Variants in STXBP4 observed in about 807,000 individuals in gnomAD.
The protein encoded by STXBP4 is syntaxin binding protein 4, also known as syntaxin-binding protein 4.
In STXBP4, 55 loss-of-function variants were observed where a neutral mutation model predicts 76.1. The observed-to-expected ratio is 0.72, with a 90% CI of 0.58 to 0.91. STXBP4 has a LOEUF of 0.91. Ranked by LOEUF, STXBP4 falls within the 40% of genes least tolerant of loss-of-function variation. STXBP4 has a pLI of 0.00. For synonymous variants in STXBP4, 201 were observed against 220.2 expected (o/e 0.91, Z 0.77); for missense variants, 618 against 636.9 (o/e 0.97, Z 0.32).
intron 7 of STXBP4, among the ~76,000 whole-genome samples, 154 bp from the exon 8 acceptor site, chr17:55,007,352 G>T (rs1351367994): frequency 6.7e-6 from 1 of 149,040 alleles, no homozygotes; most frequent in Non-Finnish European, 1.5e-5. Flanking sequence ...AAAAAAAAAA[G>T]AAAAGAAAAA....
At chr17:55,105,496 C>G (rs2079622822) in intron 16 of STXBP4, among the ~76,000 whole-genome samples, 1 of 137,288 alleles carries the variant, frequency 7.3e-6, no homozygotes, top group Non-Finnish European at 1.5e-5. Context: ...GAGATGGAGT[C>G]TCACTCTGTC....
intron 4 of STXBP4, among the ~76,000 whole-genome samples, chr17:54,996,683 C>G (rs2077808947): frequency 6.6e-6 from 1 of 152,064 alleles, no homozygotes; most frequent in African/African-American, 2.4e-5. Context: ...CCTCAGTTCA[C>G]AGTAATAACT....
intron 8 of STXBP4, among the ~76,000 whole-genome samples, chr17:55,012,851 T>G (rs929785889): frequency 2.6e-5 from 4 of 152,152 alleles, no homozygotes; most frequent in African/African-American, 7.2e-5. Context: ...CTCTAGAAGG[T>G]CCCCTCGAGT....
chr17:55,126,588 T>C (rs2079915687), intron 16 of STXBP4, among the ~76,000 whole-genome samples: 1 of 152,148 alleles, frequency 6.6e-6, no homozygotes, highest in Non-Finnish European at 1.5e-5. Context: ...AATATACACT[T>C]AAGATTTGTA....
the STXBP4 span, among the ~76,000 whole-genome samples, chr17:55,184,561 T>C: frequency 1.3e-5 from 2 of 152,238 alleles, no homozygotes; most frequent in Admixed American, 1.3e-4. Context: ...ATCATACATA[T>C]GTATTCTTTT....
intron 1 of STXBP4, among the ~76,000 whole-genome samples, chr17:54,971,346 A>G (rs553663559): frequency 6.6e-6 from 1 of 152,336 alleles, no homozygotes; most frequent in African/African-American, 2.4e-5. Context: ...CAAAGTGCTG[A>G]AGGCTGGAAA....
At chr17:55,176,436 T>A (rs1381908686), downstream of STXBP4, among the ~76,000 whole-genome samples, 3 of 152,126 alleles carry the variant, frequency 2.0e-5, no homozygotes, top group Non-Finnish European at 4.4e-5. Flanking sequence ...AGTGTAACCA[T>A]GTAAACAGAG....
intron 12 of STXBP4, among the ~76,000 whole-genome samples, chr17:55,060,412 A>G (rs1055660243): frequency 1.3e-5 from 2 of 152,166 alleles, no homozygotes; most frequent in African/African-American, 4.8e-5. Context: ...AAAATTTTTA[A>G]AAACTAGAAA....
At chr17:55,051,007 C>T (rs2078851806) in intron 12 of STXBP4, among the ~76,000 whole-genome samples, 1 of 152,006 alleles carries the variant, frequency 6.6e-6, no homozygotes, top group Non-Finnish European at 1.5e-5. Context: ...CTTTCTGTAT[C>T]TTTTATGAAC....
chr17:54,988,357 A>C (rs2077657181), intron 3 of STXBP4, among the ~76,000 whole-genome samples: 1 of 152,222 alleles, frequency 6.6e-6, no homozygotes, highest in African/African-American at 2.4e-5. Context: ...AAGGACATTC[A>C]CATTTGGAGG....
rs550661484 is a variant in STXBP4, at chr17:55,142,674, T to C, written c.1547+1307T>C. Among the ~76,000 whole-genome samples, 226 of 152,284 alleles carry C rather than the reference T, an allele frequency of 1.5e-3. 1 individual carries two copies. The highest frequency in any genetic ancestry group is 5.1e-3 in the African/African-American group (214 of 41,568). ...AACAATCATATGACCATTAAAAACA[T>C]TGAGAATTCAAAAGCTTTGTATTTG... is the stretch of plus-strand genomic sequence containing the variant. On this transcript the variant is annotated intron_variant, in intron 17 of 17. Coordinates refer to ENST00000376352, the MANE Select transcript of STXBP4 (RefSeq NM_178509.6).
intron 16 of STXBP4, among the ~76,000 whole-genome samples, chr17:55,122,173 C>T (rs1383340737): frequency 6.6e-6 from 1 of 152,192 alleles, no homozygotes; most frequent in Non-Finnish European, 1.5e-5. Flanking sequence ...AAATCCTCAA[C>T]AAACCGTTGT....
At chr17:55,208,577 A>G in the STXBP4 span, among the ~76,000 whole-genome samples, 3 of 90,332 alleles carry the variant, frequency 3.3e-5, no homozygotes, top group Non-Finnish European at 6.2e-5. Flanking sequence ...GAGGGAGGGA[A>G]GAAGGAAGGA....
At chr17:55,032,335 G>A (rs1311313754) in intron 9 of STXBP4, among the ~76,000 whole-genome samples, 1 of 151,900 alleles carries the variant, frequency 6.6e-6, no homozygotes, top group East Asian at 1.9e-4. Context: ...AAATAATAAT[G>A]AAAACAAGAA....
At chr17:55,097,974 C>T (rs2079513940) in intron 16 of STXBP4, among the ~76,000 whole-genome samples, 1 of 152,080 alleles carries the variant, frequency 6.6e-6, no homozygotes, top group Non-Finnish European at 1.5e-5. Flanking sequence ...AATATTATGG[C>T]TCACATCTGG....
intron 1 of STXBP4, among the ~76,000 whole-genome samples, chr17:54,979,437 T>A (rs2077517981): frequency 6.6e-6 from 1 of 152,152 alleles, no homozygotes; most frequent in Non-Finnish European, 1.5e-5. Context: ...AAGAAAGCAA[T>A]TAAATCTCTC....
At chr17:55,090,282 A>G (rs998284499) in intron 16 of STXBP4, among the ~76,000 whole-genome samples, 3 of 152,128 alleles carry the variant, frequency 2.0e-5, no homozygotes, top group East Asian at 1.9e-4. Context: ...AAGTGGAGAC[A>G]CACTTTAGAT....
the STXBP4 span, among the ~76,000 whole-genome samples, chr17:55,210,001 C>T: frequency 1.4e-4 from 21 of 152,254 alleles, no homozygotes; most frequent in African/African-American, 4.1e-4. Context: ...CATGTTCATG[C>T]GTGTGCACAC....
At chr17:55,175,036 C>T (rs1234481442), downstream of STXBP4, among the ~76,000 whole-genome samples, 1 of 151,318 alleles carries the variant, frequency 6.6e-6, no homozygotes, top group Non-Finnish European at 1.5e-5. Flanking sequence ...AAAAAACAAA[C>T]AAAACATGGC....
Sources: gnomAD v4.1 joint callset for allele counts (sites outside exome capture counted in the v4.1 genomes callset) on GRCh38, gnomAD v4.1.1 for gene constraint, MANE v1.5 for transcripts, NCBI Gene and HGNC (gene_info 2026-07-23, HGNC 2026-07-21) for gene names.